CMYA5: variants seen among roughly 807,000 people sequenced by gnomAD.
CMYA5 encodes cardiomyopathy-associated protein 5.
CMYA5 carries 246 observed loss-of-function variants against 318.9 expected under a neutral mutation model. The ratio of observed to expected loss-of-function variants is 0.77; its 90% CI spans 0.70 to 0.86. The LOEUF is 0.86. Among genes scored for constraint, CMYA5 ranks in the 40% least tolerant of loss-of-function variants. The pLI is 0.00. For synonymous variants in CMYA5, 1,641 were observed against 1,729.5 expected (o/e 0.95, Z 1.27); for missense variants, 4,589 against 4,678.2 (o/e 0.98, Z 0.56).
intron 5 of CMYA5, among the ~76,000 whole-genome samples, chr5:79,747,932 G>A (rs1828358518): frequency 1.3e-5 from 2 of 152,060 alleles, no homozygotes; most frequent in Non-Finnish European, 2.9e-5. Context: ...AGTAAAATCA[G>A]AAATTTGTAT....
chr5:79,730,271 A>C lies in CMYA5; in HGVS notation c.1506A>C (p.Glu502Asp). 1 of 1,614,026 alleles carries C rather than the reference A, an allele frequency of 6.2e-7. No homozygotes were observed. Among genetic ancestry groups the C allele is most frequent in the Non-Finnish European group, 8.5e-7 (1 of 1,179,880 alleles). Reference protein sequence around the residue: ...SISLSEPLMLEEPEKEEIETS... With the variant: ...SISLSEPLMLDEPEKEEIETS... ...CTCTTTCTGAACCTCTAATGTTAGA[A>C]GAACCAGAGAAAGAAGAAATAGAAA... Residue 502 changes from glutamate to aspartate, a missense_variant, in exon 2 of 13, where the codon GAA (glutamate) becomes GAC (aspartate). By Grantham distance (45) the Glu-to-Asp change is conservative (BLOSUM62 2). Around this residue, in one of 3 missense-constraint regions of CMYA5, gnomAD observed 2,132 missense variants for 2,131.3 expected, o/e 1.00. Transcript: ENST00000446378.
At position 79,758,783 on chromosome 5, in the gene CMYA5, A is replaced by T. The variant is rs758569865; in HGVS notation, c.11141A>T (p.Glu3714Val). The change falls in exon 7 of 13, where the codon GAA becomes GTA. Residue 3714 changes from glutamate (E) to valine (V), a missense_variant. By Grantham distance (121) the Glu-to-Val change is moderately radical. Transcript: ENST00000446378. Reference protein sequence around the residue: ...VPQPPRLEPQEPNSATSTTIA... With the variant: ...VPQPPRLEPQVPNSATSTTIA... ...CAGCCTCCTAGATTAGAACCTCAGG[A>T]ACCAAATTCTGCCACCAGCACAACA... The T allele has an allele frequency of 6.2e-7, 1 of 1,605,700 alleles. No homozygotes were observed. Among genetic ancestry groups the T allele is most frequent in the African/African-American group, 1.3e-5 (1 of 74,676 alleles).
intron 5 of CMYA5, among the ~76,000 whole-genome samples, chr5:79,748,146 C>T (rs1481301947): frequency 6.6e-6 from 1 of 152,052 alleles, no homozygotes; most frequent in Non-Finnish European, 1.5e-5. Context: ...ATAGAATTCC[C>T]CAAGGAGCTT....
At chr5:79,754,634 T>C (rs547107048) in intron 6 of CMYA5, among the ~76,000 whole-genome samples, 1 of 150,346 alleles carries the variant, frequency 6.7e-6, no homozygotes, top group Non-Finnish European at 1.5e-5. Context: ...GCTTCCTTGA[T>C]GCTGGCACCT....
At chr5:79,795,055 A>AC (rs1561233530) in intron 12 of CMYA5, among the ~76,000 whole-genome samples, 2 of 152,168 alleles carry the variant, frequency 1.3e-5, no homozygotes, top group Non-Finnish European at 2.9e-5. Context: ...AGCCCACACC[A>AC]AGGGCTAACC....
At position 79,730,716 on chromosome 5, in the gene CMYA5, A is replaced by T. The variant is rs57544556; in HGVS notation, c.1951A>T (p.Ser651Cys). ...CCCAGCTGCAGCCCCTACATCTGAG[A>T]GCTCTCTCTCACCATCCACAACTGA... Reference protein sequence around the residue: ...YSPAAAPTSESSLSPSTTEKT... With the variant: ...YSPAAAPTSECSLSPSTTEKT... The change falls in exon 2 of 13, where the codon AGC becomes TGC. Residue 651 changes from serine (S) to cysteine (C), a missense_variant. Ser to Cys is a moderately radical substitution (Grantham distance 112). Around this residue, in one of 3 missense-constraint regions of CMYA5, gnomAD observed 2,132 missense variants for 2,131.3 expected, o/e 1.00. Transcript: ENST00000446378. 3 of 1,613,632 alleles carry T rather than the reference A, an allele frequency of 1.9e-6. No homozygotes were observed. The highest frequency in any genetic ancestry group is 1.6e-4 in the Middle Eastern group (1 of 6,084).
chr5:79,741,742 T>C (rs1828211576), intron 2 of CMYA5, among the ~76,000 whole-genome samples: 1 of 151,140 alleles, frequency 6.6e-6, no homozygotes, highest in Admixed American at 6.6e-5. Context: ...TCTTAATATG[T>C]TTTGTTTATC....
chr5:79,695,135 GA>G (rs1827043182), intron 1 of CMYA5, among the ~76,000 whole-genome samples: 1 of 152,142 alleles, frequency 6.6e-6, no homozygotes, highest in Non-Finnish European at 1.5e-5. Flanking sequence ...CAGGCTTAAT[GA>G]AAACCTAATT....
chr5:79,704,549 G>A (rs1827234761), intron 1 of CMYA5, among the ~76,000 whole-genome samples: 1 of 152,148 alleles, frequency 6.6e-6, no homozygotes, highest in Non-Finnish European at 1.5e-5. Context: ...ATAGATATTA[G>A]AAGAGGGAAA....
chr5:79,799,021 G>T (rs568440652), intron 12 of CMYA5, among the ~76,000 whole-genome samples: 2 of 152,342 alleles, frequency 1.3e-5, no homozygotes, highest in South Asian at 4.1e-4. Context: ...CCTCAAAGGA[G>T]TTTTATTCAA....
At chr5:79,696,507 T>G (rs1827068862) in intron 1 of CMYA5, among the ~76,000 whole-genome samples, 1 of 152,228 alleles carries the variant, frequency 6.6e-6, no homozygotes, top group Non-Finnish European at 1.5e-5. Context: ...GTTTTCTTCC[T>G]GTAAGTATGC....
At chr5:79,773,862 G>A (rs1828895367) in intron 9 of CMYA5, among the ~76,000 whole-genome samples, 1 of 152,146 alleles carries the variant, frequency 6.6e-6, no homozygotes, top group Admixed American at 6.5e-5. Context: ...AAAACAAGCA[G>A]GCTTCAAAGC....
rs1340193173 is a variant in CMYA5, at chr5:79,758,746, A to T, written c.11111-7A>T. ...ATTAGTTACAATAAAACTTGTTTAT[A>T]TTCCAGTTCCACAGCCTCCTAGATT... is the stretch of plus-strand genomic sequence containing the variant. On this transcript the variant is annotated splice_polypyrimidine_tract_variant and splice_region_variant and intron_variant, in intron 6 of 12. Transcript: ENST00000446378. 1.9e-6 allele frequency: 3 copies of T among 1,585,516 alleles called. No homozygotes were observed. Among genetic ancestry groups the T allele is most frequent in the Non-Finnish European group, 2.6e-6 (3 of 1,168,826 alleles).
At chr5:79,693,317 G>A (rs557089430) in intron 1 of CMYA5, among the ~76,000 whole-genome samples, 36 of 150,044 alleles carry the variant, frequency 2.4e-4, no homozygotes, top group Middle Eastern at 3.5e-3. Context: ...GTCAGGAGTC[G>A]TTTGTTCAAA....
intron 9 of CMYA5, chr5:79,763,444 G>T: frequency 2.2e-6 from 1 of 453,320 alleles, no homozygotes; most frequent in African/African-American, 1.9e-5. Flanking sequence ...AAATGTATGT[G>T]AATTTTAATG....
Position 79,739,376 on chromosome 5 carries a change from G to A in CMYA5, c.10611G>A (p.Thr3537=), listed in dbSNP as rs368530786. ...FGTHKDHEVS[T]LDTAISAVKV... ...CCCACAAAGACCATGAAGTTTCAAC[G>A]CTTGACACAGCTATAAGTGCTGTAA... The change falls in exon 2 of 13, where the codon ACG becomes ACA. Residue 3537 remains threonine, a synonymous_variant. Transcript: ENST00000446378. 1.2e-5 allele frequency: 19 copies of A among 1,550,168 alleles called. No homozygotes were observed. The highest frequency in any genetic ancestry group is 9.6e-5 in the African/African-American group (7 of 72,944).
intron 1 of CMYA5, among the ~76,000 whole-genome samples, chr5:79,698,759 T>C (rs139502594): frequency 2.6e-5 from 4 of 152,346 alleles, no homozygotes; most frequent in African/African-American, 9.6e-5. Context: ...TTATTTATTA[T>C]TGACACCACC....
At chr5:79,723,321 C>T (rs1561202405) in intron 1 of CMYA5, among the ~76,000 whole-genome samples, 1 of 152,004 alleles carries the variant, frequency 6.6e-6, no homozygotes, top group Non-Finnish European at 1.5e-5. Flanking sequence ...CACCTGTAAT[C>T]CCAGCTACTC....
chr5:79,766,425 G>A (rs12514145), intron 9 of CMYA5, among the ~76,000 whole-genome samples: 8,452 of 152,252 alleles, frequency 0.056, 578 homozygotes, highest in Admixed American at 0.2. Flanking sequence ...CATTCAGTGC[G>A]ATATTGGCTG....
Sources: allele counts gnomAD v4.1 joint callset (sites outside exome capture counted in the v4.1 genomes callset), GRCh38; gene constraint gnomAD v4.1.1; regional missense constraint gnomAD v4.1.1; transcripts MANE v1.5; gene names NCBI Gene and HGNC (gene_info 2026-07-23, HGNC 2026-07-21).